Variants in LUC7L3 observed in about 807,000 individuals in gnomAD.
LUC7L3 encodes LUC7 like 3 pre-mRNA splicing factor, also known as luc7-like protein 3.
Under a neutral mutation model 66.8 loss-of-function variants are expected in LUC7L3, and 6 were observed. The ratio of observed to expected loss-of-function variants is 0.09; its 90% CI spans 0.05 to 0.18. The LOEUF (loss-of-function observed/expected upper bound fraction) is 0.18, where lower values mean the gene tolerates loss of function less well. Ranked by LOEUF, LUC7L3 falls within the 10% of genes least tolerant of loss-of-function variation. The probability of loss-of-function intolerance (pLI) is 1.00; values close to 1 mark genes in which losing one functional copy is unlikely to be tolerated. For synonymous variants in LUC7L3, 160 were observed against 174.7 expected (o/e 0.92, Z 0.66); for missense variants, 341 against 531.1 (o/e 0.64, Z 3.52).
In LUC7L3 at chr17:50,751,171, T is replaced by C; in HGVS notation, c.*510T>C. 6.8e-7 allele frequency: 1 copy of C among 1,481,152 alleles called. No individual in the cohort carries two copies. Among genetic ancestry groups the C allele is most frequent in the Non-Finnish European group, 8.9e-7 (1 of 1,118,052 alleles). 91.8% of individuals were successfully genotyped at this position (1,481,152 alleles called of 1,614,324 possible). The stretch of plus-strand genomic sequence containing the variant: ...AGTATTTCTTTGTCAAGGATGTTTC[T>C]AGTTTTTTGCTTTATTGCCTTGCAT... On this transcript the variant is annotated 3_prime_UTR_variant, in exon 10 of 10. Transcript: ENST00000505658.
At chr17:50,742,802 TAAAAC>T (rs1389106219) in intron 5 of LUC7L3, among the ~76,000 whole-genome samples, 18 of 152,038 alleles carry the variant, frequency 1.2e-4, no homozygotes, top group Non-Finnish European at 2.5e-4. Context: ...ACAAAAAAAA[TAAAAC>T]CCAGACTGGA....
At chr17:50,733,532 G>C (rs1290605982) in intron 1 of LUC7L3, among the ~76,000 whole-genome samples, 3 of 151,812 alleles carry the variant, frequency 2.0e-5, no homozygotes, top group Middle Eastern at 3.4e-3. Context: ...CTCCCGAGTA[G>C]CTGGGACTAC....
At chr17:50,742,918 G>GAC (rs1970437281) in intron 5 of LUC7L3, among the ~76,000 whole-genome samples, 1 of 152,172 alleles carries the variant, frequency 6.6e-6, no homozygotes, top group Non-Finnish European at 1.5e-5. Context: ...AGCTACATGA[G>GAC]ACAATATGGG....
At chr17:50,730,082 C>T (rs1969487833) in intron 1 of LUC7L3, among the ~76,000 whole-genome samples, 1 of 151,488 alleles carries the variant, frequency 6.6e-6, no homozygotes, top group South Asian at 2.1e-4. Context: ...TGAGCAGGCT[C>T]CTCCCATTCC....
intron 1 of LUC7L3, among the ~76,000 whole-genome samples, chr17:50,731,436 G>A (rs374188645): frequency 1.5e-4 from 23 of 152,252 alleles, no homozygotes; most frequent in African/African-American, 5.3e-4. Flanking sequence ...CCAAAGTGCT[G>A]GGATTACAGG....
chr17:50,750,558 A>G lies in LUC7L3; in HGVS notation c.1196A>G (p.Gln399Arg), dbSNP rs752969718. Residue 399 changes from glutamine to arginine, a missense_variant, in exon 10 of 10, where the codon CAG becomes CGG. Transcript: ENST00000505658. ...SSVKSGSREK[Q>R]SEDTNTESKE... ...GTGAAGTCCGGTAGTCGAGAAAAGCAGAGTGAAGACACAAACACTGAATCG... is the reference window on the plus strand; with the variant it reads ...GTGAAGTCCGGTAGTCGAGAAAAGCGGAGTGAAGACACAAACACTGAATCG... 3.1e-6 allele frequency: 5 copies of G among 1,614,164 alleles called. No individual in the cohort carries two copies. The Admixed American group carries it at 6.7e-5, about 22-fold the overall frequency.
rs1475604318 is a variant in LUC7L3, at chr17:50,737,209, A to T, written c.166+183A>T. On this transcript the variant is annotated intron_variant, in intron 2 of 9. Coordinates refer to ENST00000505658, the MANE Select transcript of LUC7L3 (RefSeq NM_016424.5). ...TTAATAAATGTCAGTCTGATTAAAC[A>T]TGGTGGCTTAATTAAACATACATGT... The T allele has an allele frequency of 2.6e-5, 17 of 647,578 alleles. No homozygotes were observed. In the Admixed American group the frequency reaches 2.9e-4, roughly 11 times the overall value. 40.1% of individuals were successfully genotyped at this position (647,578 alleles called of 1,614,324 possible).
intron 1 of LUC7L3, among the ~76,000 whole-genome samples, chr17:50,731,937 G>A (rs750966842): frequency 6.6e-6 from 1 of 152,182 alleles, no homozygotes; most frequent in Non-Finnish European, 1.5e-5. Context: ...GCCAAAGAAA[G>A]AGGCTGACAA....
intron 2 of LUC7L3, among the ~76,000 whole-genome samples, chr17:50,738,895 G>T (rs767329654): frequency 6.6e-6 from 1 of 152,150 alleles, no homozygotes; most frequent in Non-Finnish European, 1.5e-5. Context: ...TTTAGAACAC[G>T]GGGGTGGTGG....
At position 50,746,630 on chromosome 17, in the gene LUC7L3, C is replaced by G. The variant is rs1226051433; in HGVS notation, c.1066C>G (p.Arg356Gly). ...RSRDRRRSKS[R>G]DRKSYKHRSK... ...TCGGGATCGAAGAAGATCAAAAAGC[C>G]GGGATCGAAAGTCATATAAGCACAG... Residue 356 changes from arginine to glycine, a missense_variant, in exon 9 of 10, where the codon CGG becomes GGG. By Grantham distance (125) the Arg-to-Gly change is moderately radical. Coordinates refer to ENST00000505658, the MANE Select transcript of LUC7L3 (RefSeq NM_016424.5). 1 of 1,613,874 alleles carries G rather than the reference C, an allele frequency of 6.2e-7. No individual in the cohort carries two copies. Among genetic ancestry groups the G allele is most frequent in the Admixed American group, 1.7e-5 (1 of 59,996 alleles).
Position 50,736,952 on chromosome 17 carries a change from T to C in LUC7L3, c.100-8T>C, listed in dbSNP as rs763230523. ...AATTTTTTAAGTACCTTTGTTTTTC[T>C]TTACTAGGTTTGTAAATATTATCTC... On this transcript the variant is annotated splice_polypyrimidine_tract_variant and splice_region_variant and intron_variant, in intron 1 of 9. Transcript: ENST00000505658. 1.8e-5 allele frequency: 28 copies of C among 1,596,892 alleles called. No individual in the cohort carries two copies. In the Admixed American group the frequency reaches 4.6e-4, roughly 26 times the overall value.
At chr17:50,723,740 C>T (rs1338402309) in intron 1 of LUC7L3, 1 of 300,836 alleles carries the variant, frequency 3.3e-6, no homozygotes, top group Non-Finnish European at 6.6e-6. Flanking sequence ...CTGCAACCTC[C>T]ACCTCCTGGC....
chr17:50,740,680 T>C (rs1970293992), intron 3 of LUC7L3, among the ~76,000 whole-genome samples: 1 of 152,120 alleles, frequency 6.6e-6, no homozygotes, highest in Non-Finnish European at 1.5e-5. Context: ...TGCCTCAAAC[T>C]CCCGAGTAGT....
intron 4 of LUC7L3, 113 bp from the exon 5 acceptor site, chr17:50,741,544 T>A (rs1970347858): frequency 1.5e-6 from 1 of 650,846 alleles, no homozygotes; most frequent in Non-Finnish European, 2.6e-6. Context: ...ATTACTATCC[T>A]TTCAATTAAG....
intron 9 of LUC7L3, 77 bp downstream of exon 9, chr17:50,746,779 A>G: frequency 1.5e-6 from 2 of 1,317,684 alleles, no homozygotes; most frequent in East Asian, 2.4e-5. Flanking sequence ...CTCCAGACAC[A>G]GGCAAAGATC....
chr17:50,729,633 C>T (rs540379598), intron 1 of LUC7L3, among the ~76,000 whole-genome samples: 21 of 152,010 alleles, frequency 1.4e-4, no homozygotes, highest in African/African-American at 4.8e-4. Flanking sequence ...CCGTGCACAG[C>T]TTTGGGATGT....
At chr17:50,746,779 AGG>A in intron 9 of LUC7L3, 77 bp downstream of exon 9, 1 of 1,317,686 alleles carries the variant, frequency 7.6e-7, no homozygotes, top group African/African-American at 1.5e-5. Flanking sequence ...CTCCAGACAC[AGG>A]CAAAGATCCA....
chr17:50,734,884 A>G (rs532505511), intron 1 of LUC7L3, among the ~76,000 whole-genome samples: 4 of 152,310 alleles, frequency 2.6e-5, no homozygotes, highest in Non-Finnish European at 4.4e-5. Context: ...GTATTATTGT[A>G]AAAATGGGAA....
intron 1 of LUC7L3, chr17:50,722,970 G>A (rs1313817899): frequency 1.3e-5 from 2 of 152,198 alleles, no homozygotes; most frequent in South Asian, 2.1e-4. Context: ...CAATTGCTTG[G>A]TTAATCCTAA....
Sources: allele counts gnomAD v4.1 joint callset (sites outside exome capture counted in the v4.1 genomes callset), GRCh38; gene constraint gnomAD v4.1.1; transcripts MANE v1.5; gene names NCBI Gene and HGNC (gene_info 2026-07-23, HGNC 2026-07-21).